Variants in HSF5 observed in about 807,000 individuals in gnomAD.
The protein encoded by HSF5 is heat shock transcription factor 5.
Under a neutral mutation model 50.8 loss-of-function variants are expected in HSF5, and 5 were observed. That is an observed-to-expected ratio of 0.10 (90% CI 0.05 to 0.21). HSF5 has a LOEUF of 0.21. Among genes scored for constraint, HSF5 ranks in the 10% least tolerant of loss-of-function variants. The pLI is 1.00. For missense variants in HSF5, 564 were observed against 762.6 expected (o/e 0.74, Z 3.07); for synonymous variants, 307 against 307.4 (o/e 1.00, Z 0.02).
At chr17:58,454,003 G>C (rs966334604) in intron 5 of HSF5, among the ~76,000 whole-genome samples, 3 of 151,880 alleles carry the variant, frequency 2.0e-5, no homozygotes, top group Admixed American at 6.6e-5. Flanking sequence ...CTGAGGCAGG[G>C]GAATCACTTG....
In HSF5 at chr17:58,466,964, C is replaced by T; in HGVS notation, c.941G>A (p.Cys314Tyr). The T allele has an allele frequency of 6.2e-7, 1 of 1,609,568 alleles. No homozygotes were observed. Among genetic ancestry groups the T allele is most frequent in the Non-Finnish European group, 8.5e-7 (1 of 1,175,972 alleles). The change falls in exon 3 of 6, where the codon TGT becomes TAT. Residue 314 changes from cysteine to tyrosine, a missense_variant. By Grantham distance (194) the Cys-to-Tyr change is radical. Coordinates refer to ENST00000323777, the MANE Select transcript of HSF5 (RefSeq NM_001080439.3). The part of the protein sequence containing the change: ...AYYPTAVLQC[C>Y]SPTHMDALSS... ...TAGAGCATCCATGTGGGTAGGAGAA[C>T]AGCACTGTAGCACAGCTGGAACAAA...
chr17:58,449,080 A>G (rs1171786109), intron 5 of HSF5, among the ~76,000 whole-genome samples: 1 of 152,210 alleles, frequency 6.6e-6, no homozygotes, highest in Non-Finnish European at 1.5e-5. Context: ...AAAATAAATT[A>G]TAACTGTAAG....
intron 5 of HSF5, among the ~76,000 whole-genome samples, chr17:58,424,912 A>G (rs964661277): frequency 3.3e-5 from 5 of 152,244 alleles, no homozygotes; most frequent in African/African-American, 1.2e-4. Flanking sequence ...TCCCATTTAT[A>G]TGAGGTAGCT....
intron 4 of HSF5, among the ~76,000 whole-genome samples, chr17:58,459,270 C>T (rs1372759103): frequency 6.6e-6 from 1 of 151,746 alleles, no homozygotes; most frequent in African/African-American, 2.4e-5. Context: ...GTGGTACAAT[C>T]ATAGCTCACT....
chr17:58,473,348 A>T (rs560829209), intron 2 of HSF5, among the ~76,000 whole-genome samples: 1 of 152,350 alleles, frequency 6.6e-6, no homozygotes, highest in Non-Finnish European at 1.5e-5. Context: ...AAAAAAAGGC[A>T]AAGTTGATTT....
intron 5 of HSF5, among the ~76,000 whole-genome samples, chr17:58,436,107 T>C (rs896436019): frequency 1.3e-5 from 2 of 152,058 alleles, no homozygotes; most frequent in African/African-American, 4.8e-5. Flanking sequence ...AAGAGCAGAA[T>C]CCAGGTTTTA....
chr17:58,479,335 C>T (rs1455819898), intron 2 of HSF5, among the ~76,000 whole-genome samples: 2 of 152,070 alleles, frequency 1.3e-5, no homozygotes, highest in African/African-American at 4.8e-5. Flanking sequence ...GACAGTCTCA[C>T]TCTGTCGTCC....
intron 5 of HSF5, among the ~76,000 whole-genome samples, chr17:58,437,420 T>C (rs563108455): frequency 1.9e-4 from 29 of 152,320 alleles, no homozygotes; most frequent in Admixed American, 5.9e-4. Flanking sequence ...TAAACTACTT[T>C]TAGTATTTTT....
chr17:58,442,267 C>G lies in HSF5; in HGVS notation c.1720+16501G>C, dbSNP rs550244029. ...GCCAAAGATTTCTTTTCCAAAACTA[C>G]CCTAAAATTAATTGGCTGTGGCTAT... is the stretch of plus-strand genomic sequence containing the variant. On this transcript the variant is annotated intron_variant, in intron 5 of 5. Coordinates refer to ENST00000323777, the MANE Select transcript of HSF5 (RefSeq NM_001080439.3). Among the ~76,000 whole-genome samples, 230 of 152,300 alleles carry G rather than the reference C, an allele frequency of 1.5e-3. 1 individual carries two copies. The highest frequency in any genetic ancestry group is 2.4e-3 in the Non-Finnish European group (166 of 68,024).
chr17:58,443,758 CT>C (rs1480948729), intron 5 of HSF5, among the ~76,000 whole-genome samples: 3 of 152,160 alleles, frequency 2.0e-5, no homozygotes. Context: ...ATAAGAGAAA[CT>C]TTTCCCTCCG....
chr17:58,449,869 A>T (rs1320902819), intron 5 of HSF5, among the ~76,000 whole-genome samples: 3 of 150,130 alleles, frequency 2.0e-5, no homozygotes, highest in Non-Finnish European at 4.4e-5. Flanking sequence ...TAAAAATACA[A>T]AAAATTAGCC....
intron 4 of HSF5, among the ~76,000 whole-genome samples, chr17:58,461,394 T>TA (rs1430618808): frequency 6.6e-6 from 1 of 150,466 alleles, no homozygotes; most frequent in East Asian, 1.9e-4. Context: ...AAAATAGAGC[T>TA]AAAAAAGGCT....
intron 5 of HSF5, among the ~76,000 whole-genome samples, chr17:58,457,190 G>A (rs1446837212): frequency 6.6e-6 from 1 of 151,910 alleles, no homozygotes; most frequent in Non-Finnish European, 1.5e-5. Context: ...AACCTGGGAG[G>A]TGGAAGTTGC....
intron 4 of HSF5, among the ~76,000 whole-genome samples, chr17:58,459,712 C>G (rs1974765317): frequency 6.6e-6 from 1 of 150,594 alleles, no homozygotes. Flanking sequence ...GCTGGTAACT[C>G]CTGGTCTCAG....
intron 2 of HSF5, among the ~76,000 whole-genome samples, chr17:58,467,215 A>G (rs969459685): frequency 1.3e-5 from 2 of 152,184 alleles, no homozygotes; most frequent in Middle Eastern, 3.2e-3. Context: ...TTTATAAATC[A>G]TTTCTTTAAC....
intron 1 of HSF5, among the ~76,000 whole-genome samples, chr17:58,481,021 C>T (rs1178808932): frequency 2.0e-5 from 3 of 152,138 alleles, no homozygotes; most frequent in Non-Finnish European, 2.9e-5. Context: ...TGGGCTCAAG[C>T]GATCCTCCTG....
intron 5 of HSF5, among the ~76,000 whole-genome samples, chr17:58,443,892 T>C (rs926065649): frequency 2.2e-4 from 33 of 152,236 alleles, no homozygotes; most frequent in Non-Finnish European, 3.8e-4. Context: ...GAGGTAGTAG[T>C]CAAAGGGAAT....
chr17:58,470,099 A>G (rs1026839034), intron 2 of HSF5, among the ~76,000 whole-genome samples: 2 of 152,234 alleles, frequency 1.3e-5, no homozygotes, highest in African/African-American at 4.8e-5. Flanking sequence ...TAATTTCAAG[A>G]TAAGTTCCTA....
intron 5 of HSF5, among the ~76,000 whole-genome samples, chr17:58,426,539 G>A (rs975032379): frequency 3.9e-5 from 6 of 152,186 alleles, no homozygotes; most frequent in Non-Finnish European, 5.9e-5. Flanking sequence ...TTCCTACCAA[G>A]AGCATCCTCT....
Sources: allele counts gnomAD v4.1 joint callset (sites outside exome capture counted in the v4.1 genomes callset), GRCh38; gene constraint gnomAD v4.1.1; transcripts MANE v1.5; gene names NCBI Gene and HGNC (gene_info 2026-07-23, HGNC 2026-07-21).